The following SLC35D1 variants were observed in gnomAD, a reference collection of about 807,000 sequenced individuals.
SLC35D1 encodes solute carrier family 35 member D1, also known as nucleotide sugar transporter SLC35D1.
A neutral mutation model predicts 46.7 loss-of-function variants in SLC35D1; 31 were observed. That is an observed-to-expected ratio of 0.66 (90% CI 0.50 to 0.90). SLC35D1 has a LOEUF of 0.90. SLC35D1 is among the 40% of genes least tolerant of loss of function. The pLI is 0.00. For synonymous variants in SLC35D1, 195 were observed against 164.6 expected (o/e 1.18, Z -1.41); for missense variants, 397 against 426.2 (o/e 0.93, Z 0.60).
the SLC35D1 span, among the ~76,000 whole-genome samples, chr1:66,979,240 C>T: frequency 1.6e-4 from 24 of 152,238 alleles, no homozygotes; most frequent in Non-Finnish European, 2.9e-4. Flanking sequence ...TTCTGGTTTG[C>T]TTCCATTACC....
chr1:67,037,286 T>C (rs973244044), intron 8 of SLC35D1, among the ~76,000 whole-genome samples: 1 of 151,978 alleles, frequency 6.6e-6, no homozygotes, highest in African/African-American at 2.4e-5. Flanking sequence ...TAAATAAAAA[T>C]ATTTGAAAAA....
In SLC35D1 at chr1:67,000,200, GAGCCT is replaced by G. The variant is rs1558145988; in HGVS notation, c.*4135_*4139del. ...GCAGGCTAAGGCAGGAGGATCACTT[GAGCCT>G]AGGAGTTTGAGACTGTGGTGAGCTG... is the stretch of plus-strand genomic sequence containing the variant. On this transcript the variant is annotated 3_prime_UTR_variant, in exon 12 of 12. Coordinates refer to ENST00000235345, the MANE Select transcript of SLC35D1 (RefSeq NM_015139.3). 1 of 151,318 alleles carries G rather than the reference GAGCCT, an allele frequency of 6.6e-6. No homozygotes were observed. Among genetic ancestry groups the G allele is most frequent in the African/African-American group, 2.4e-5 (1 of 41,214 alleles). 9.4% of individuals were successfully genotyped at this position (151,318 alleles called of 1,614,324 possible).
the SLC35D1 span, among the ~76,000 whole-genome samples, chr1:66,978,547 A>G: frequency 6.6e-6 from 1 of 152,220 alleles, no homozygotes; most frequent in African/African-American, 2.4e-5. Flanking sequence ...TTCAAGCATA[A>G]TAATATAGAA....
chr1:67,041,982 T>C (rs1279067127), intron 8 of SLC35D1, among the ~76,000 whole-genome samples: 2 of 152,220 alleles, frequency 1.3e-5, no homozygotes, highest in Non-Finnish European at 2.9e-5. Flanking sequence ...CCTTCTGGCA[T>C]GTAAGAAAAA....
intron 11 of SLC35D1, among the ~76,000 whole-genome samples, chr1:67,008,092 A>C (rs925755085): frequency 2.0e-5 from 3 of 152,180 alleles, no homozygotes; most frequent in African/African-American, 7.2e-5. Context: ...CTTTTAAAAA[A>C]TTTTCAAGCA....
intron 8 of SLC35D1, among the ~76,000 whole-genome samples, chr1:67,028,307 G>A (rs558619942): frequency 9.2e-5 from 14 of 152,218 alleles, no homozygotes; most frequent in African/African-American, 2.9e-4. Flanking sequence ...GAATGTGTAC[G>A]CTGCTGTTGT....
At position 67,013,158 on chromosome 1, in the gene SLC35D1, A is replaced by AGATATATATATATATATATG. The variant is rs150270485; in HGVS notation, c.877-3992_877-3991insCATATATATATATATATATC. Among the ~76,000 whole-genome samples the AGATATATATATATATATATG allele has an allele frequency of 5.9e-4, 61 of 103,622 alleles. 5 individuals are homozygous for AGATATATATATATATATATG. Among genetic ancestry groups the AGATATATATATATATATATG allele is most frequent in the Admixed American group, 3.3e-3 (36 of 10,888 alleles). 68.0% of individuals were successfully genotyped at this position (103,622 alleles called of 152,430 possible). On this transcript the variant is annotated intron_variant, in intron 10 of 11. Transcript: ENST00000235345. ...TAATTTAAGAACATATATCCTGGAG[A>AGATATATATATATATATATG]TATATATATATCCTGTTCTTAAATT...
In SLC35D1 at chr1:67,052,983, G is replaced by C; in HGVS notation, c.210C>G (p.Pro70=). 1 of 1,613,926 alleles carries C rather than the reference G, an allele frequency of 6.2e-7. No individual in the cohort carries two copies. The highest frequency in any genetic ancestry group is 1.1e-5 in the South Asian group (1 of 91,078). The part of the protein sequence containing the change: ...NKSVLTNYRF[P]SSLCVGLGQM... The stretch of plus-strand genomic sequence containing the variant: ...GGCCAAGTCCAACACATAGTGAGGA[G>C]GGAAATCTACAAAAAGGGCAAAGAA... The change falls in exon 2 of 12, where the codon CCC becomes CCG. Residue 70 remains proline (P), a synonymous_variant. Transcript: ENST00000235345.
chr1:67,025,196 T>C (rs1450896207), intron 8 of SLC35D1, among the ~76,000 whole-genome samples: 3 of 152,216 alleles, frequency 2.0e-5, no homozygotes, highest in South Asian at 2.1e-4. Context: ...GACTTCAATA[T>C]ATGAATCTGG....
chr1:66,984,590 C>T, the SLC35D1 span: 3 of 1,595,874 alleles, frequency 1.9e-6, no homozygotes, highest in South Asian at 1.1e-5. Context: ...TCTAATGGAC[C>T]AGGTGAAATA....
the SLC35D1 span, among the ~76,000 whole-genome samples, chr1:66,992,903 T>A: frequency 6.6e-6 from 1 of 152,232 alleles, no homozygotes; most frequent in Non-Finnish European, 1.5e-5. Context: ...GTGATTGCTA[T>A]TAAAAGCACA....
At chr1:66,986,410 C>G in the SLC35D1 span, 2 of 1,613,130 alleles carry the variant, frequency 1.2e-6, no homozygotes, top group South Asian at 1.1e-5. Context: ...CAGGCATACT[C>G]CAAATGCTTC....
At chr1:67,014,949 A>G (rs1029005143) in intron 10 of SLC35D1, among the ~76,000 whole-genome samples, 6 of 151,364 alleles carry the variant, frequency 4.0e-5, no homozygotes, top group Non-Finnish European at 7.4e-5. Flanking sequence ...TCACAGCTCT[A>G]TTCTTTGTCT....
rs1347456223 is a variant in SLC35D1 at position 67,053,797 on chromosome 1, C to G, written c.203+14G>C. On this transcript the variant is annotated intron_variant, in intron 1 of 11. Transcript: ENST00000235345. ...CCTCCTCCGCGGCCTGGGCCGCCGC[C>G]GCCTCGGCCCTACCTGTAATTGGTG... is the stretch of plus-strand genomic sequence containing the variant. The G allele has an allele frequency of 3.8e-6, 6 of 1,571,868 alleles. No homozygotes were observed. The highest frequency in any genetic ancestry group is 5.2e-6 in the Non-Finnish European group (6 of 1,161,506).
chr1:67,027,648 T>G (rs1401726299), intron 8 of SLC35D1, among the ~76,000 whole-genome samples: 1 of 152,192 alleles, frequency 6.6e-6, no homozygotes, highest in African/African-American at 2.4e-5. Flanking sequence ...TTTAGGGATT[T>G]AATTTATATA....
At chr1:67,039,658 A>T (rs1668201241) in intron 8 of SLC35D1, among the ~76,000 whole-genome samples, 1 of 152,168 alleles carries the variant, frequency 6.6e-6, no homozygotes, top group Non-Finnish European at 1.5e-5. Flanking sequence ...GAAAGTTTCC[A>T]TTCAAAGTGG....
chr1:67,040,973 G>A (rs1307716288), intron 8 of SLC35D1, among the ~76,000 whole-genome samples: 5 of 152,052 alleles, frequency 3.3e-5, no homozygotes, highest in Non-Finnish European at 7.4e-5. Context: ...GTCAGGCTTG[G>A]GTTTAAATCT....
the SLC35D1 span, chr1:66,986,363 C>T: frequency 6.3e-7 from 1 of 1,596,650 alleles, no homozygotes; most frequent in East Asian, 2.2e-5. Context: ...TATATCCAAA[C>T]TTTTATAAAA....
At chr1:67,035,558 T>C (rs577569710) in intron 8 of SLC35D1, among the ~76,000 whole-genome samples, 1 of 152,256 alleles carries the variant, frequency 6.6e-6, no homozygotes, top group South Asian at 2.1e-4. Context: ...TCAGCTCTGA[T>C]ATTATTTATT....
Sources: allele counts gnomAD v4.1 joint callset (sites outside exome capture counted in the v4.1 genomes callset), GRCh38; gene constraint gnomAD v4.1.1; transcripts MANE v1.5; gene names NCBI Gene and HGNC (gene_info 2026-07-23, HGNC 2026-07-21).